PPFIA2: variants seen among roughly 807,000 people sequenced by gnomAD.
PPFIA2 encodes PPFI scaffold protein A2, also known as liprin-alpha-2.
PPFIA2 carries 46 observed loss-of-function variants against 175.5 expected under a neutral mutation model. The ratio of observed to expected loss-of-function variants is 0.26; its 90% CI spans 0.21 to 0.34. The LOEUF is 0.34. Among genes scored for constraint, PPFIA2 ranks in the 10% least tolerant of loss-of-function variants. PPFIA2 has a pLI of 1.00. For synonymous variants in PPFIA2, 568 were observed against 511.4 expected (o/e 1.11, Z -1.49); for missense variants, 1,179 against 1,506.1 (o/e 0.78, Z 3.60).
At chr12:81,294,669 A>G (rs2046053533) in intron 24 of PPFIA2, 166 bp downstream of exon 24, 1 of 663,386 alleles carries the variant, frequency 1.5e-6, no homozygotes, top group Non-Finnish European at 2.6e-6. Flanking sequence ...TCCTCATTTG[A>G]AAACCTATTA....
intron 4 of PPFIA2, among the ~76,000 whole-genome samples, chr12:81,593,074 A>G (rs73362538): frequency 0.012 from 1,755 of 152,256 alleles, 24 homozygotes; most frequent in African/African-American, 0.04. Context: ...CTTTTTGAAT[A>G]AAATTTCTTC....
intron 4 of PPFIA2, among the ~76,000 whole-genome samples, chr12:81,624,467 CAT>C (rs917057839): frequency 1.5e-4 from 21 of 144,126 alleles, no homozygotes; most frequent in African/African-American, 2.0e-4. Context: ...GTGACCTGGG[CAT>C]ATATATATAT....
chr12:81,633,667 G>A (rs1273020560), intron 4 of PPFIA2, among the ~76,000 whole-genome samples: 1 of 152,012 alleles, frequency 6.6e-6, no homozygotes, highest in Non-Finnish European at 1.5e-5. Flanking sequence ...GAAATTTTAT[G>A]AGCAAAGGAA....
intron 14 of PPFIA2, among the ~76,000 whole-genome samples, chr12:81,363,777 C>T (rs191901930): frequency 1.2e-3 from 175 of 151,960 alleles, no homozygotes; most frequent in Middle Eastern, 3.4e-3. Flanking sequence ...CTCTTTCCTA[C>T]ACATTTCTCT....
Position 81,341,221 on chromosome 12 carries a change from A to G in PPFIA2, c.2263-13T>C, listed in dbSNP as rs1364211755. 6.2e-7 allele frequency: 1 copy of G among 1,609,266 alleles called. No homozygotes were observed. The highest frequency in any genetic ancestry group is 1.7e-5 in the Admixed American group (1 of 59,580). The stretch of plus-strand genomic sequence containing the variant: ...CCACAACTGCAATCTAGAAGCAAAA[A>G]CAATACATTCAAATAAACCCTTTCT... On this transcript the variant is annotated splice_polypyrimidine_tract_variant and intron_variant, in intron 19 of 32. Transcript: ENST00000549396.
chr12:81,411,899 G>C (rs1489807129), intron 7 of PPFIA2, among the ~76,000 whole-genome samples: 1 of 152,036 alleles, frequency 6.6e-6, no homozygotes, highest in African/African-American at 2.4e-5. Context: ...GGTATAATTT[G>C]ATTACAAATT....
At position 81,312,417 on chromosome 12, in the gene PPFIA2, G is replaced by A. The variant is rs2051159758; in HGVS notation, c.2643-13035C>T. 3 of 479,998 alleles carry A rather than the reference G, an allele frequency of 6.3e-6. No homozygotes were observed. The Admixed American group carries it at 1.0e-4, about 17-fold the overall frequency. The allele number at this position is 479,998 out of a possible 1,614,324, so 29.7% of individuals were successfully genotyped here. A position where few individuals can be genotyped will look rare whatever the true frequency, so the allele number is the denominator to read the frequency against. ...CAATAAGTCTATGTCTTGAGTATGA[G>A]CCACTCTGAAACATGCATGACCACA... On this transcript the variant is annotated intron_variant, in intron 22 of 32. Coordinates refer to ENST00000549396, the MANE Select transcript of PPFIA2 (RefSeq NM_003625.5).
intron 5 of PPFIA2, among the ~76,000 whole-genome samples, chr12:81,446,439 G>T (rs894052599): frequency 4.6e-5 from 7 of 152,124 alleles, no homozygotes; most frequent in African/African-American, 1.2e-4. Flanking sequence ...GAGGAGTTCT[G>T]CTTTGAAATG....
chr12:81,403,952 T>A (rs1389059265), intron 8 of PPFIA2, among the ~76,000 whole-genome samples: 1 of 152,098 alleles, frequency 6.6e-6, no homozygotes, highest in African/African-American at 2.4e-5. Context: ...CTGTACTTTA[T>A]CTCCTCTTGT....
At chr12:81,644,811 C>T (rs145098589) in intron 4 of PPFIA2, among the ~76,000 whole-genome samples, 2 of 152,114 alleles carry the variant, frequency 1.3e-5, no homozygotes, top group East Asian at 1.9e-4. Flanking sequence ...GATTTTAAGT[C>T]GCTAAATGAG....
At chr12:81,384,595 T>C (rs1471100163) in intron 8 of PPFIA2, among the ~76,000 whole-genome samples, 2 of 151,966 alleles carry the variant, frequency 1.3e-5, no homozygotes, top group Non-Finnish European at 2.9e-5. Context: ...TTTACAATGC[T>C]ATGATATAAC....
At chr12:81,327,453 A>G (rs2055047266) in intron 21 of PPFIA2, among the ~76,000 whole-genome samples, 1 of 152,082 alleles carries the variant, frequency 6.6e-6, no homozygotes, top group Non-Finnish European at 1.5e-5. Flanking sequence ...TATTTCTCTC[A>G]TCTGTATATT....
At chr12:81,520,623 A>T (rs2063007148) in intron 4 of PPFIA2, among the ~76,000 whole-genome samples, 1 of 152,134 alleles carries the variant, frequency 6.6e-6, no homozygotes, top group South Asian at 2.1e-4. Context: ...GTGCTTTGAC[A>T]TGTCTGGCAG....
chr12:81,297,857 C>T (rs774430306), intron 23 of PPFIA2, among the ~76,000 whole-genome samples: 13 of 152,276 alleles, frequency 8.5e-5, no homozygotes, highest in African/African-American at 2.6e-4. Context: ...CAAGGAGGAA[C>T]GAAAGGAGAT....
intron 4 of PPFIA2, among the ~76,000 whole-genome samples, chr12:81,567,882 A>T (rs1216207577): frequency 6.6e-6 from 1 of 152,202 alleles, no homozygotes; most frequent in Non-Finnish European, 1.5e-5. Context: ...AAACCTTCAC[A>T]TTTATAGACA....
chr12:81,459,822 A>G (rs972371308), intron 4 of PPFIA2, among the ~76,000 whole-genome samples: 2 of 152,042 alleles, frequency 1.3e-5, no homozygotes, highest in African/African-American at 2.4e-5. Context: ...CACTACTTTC[A>G]CATTTATTAT....
chr12:81,543,964 C>A (rs2066603324), intron 4 of PPFIA2, among the ~76,000 whole-genome samples: 1 of 152,078 alleles, frequency 6.6e-6, no homozygotes, highest in African/African-American at 2.4e-5. Context: ...CAAGCAAAGT[C>A]TGAGAAACAG....
chr12:81,417,616 C>T (rs915330231), intron 7 of PPFIA2, among the ~76,000 whole-genome samples: 1 of 151,660 alleles, frequency 6.6e-6, no homozygotes, highest in Non-Finnish European at 1.5e-5. Flanking sequence ...ATACTAAACC[C>T]ATTGTTCTGG....
At chr12:81,671,268 A>C (rs1430294701) in intron 4 of PPFIA2, among the ~76,000 whole-genome samples, 1 of 151,930 alleles carries the variant, frequency 6.6e-6, no homozygotes, top group African/African-American at 2.4e-5. Flanking sequence ...GCTTCCAAAC[A>C]ACCACCTATT....
Sources: gnomAD v4.1 joint callset for allele counts (sites outside exome capture counted in the v4.1 genomes callset) on GRCh38, gnomAD v4.1.1 for gene constraint, MANE v1.5 for transcripts, NCBI Gene and HGNC (gene_info 2026-07-23, HGNC 2026-07-21) for gene names.